The following FGFRL1 variants were observed in gnomAD, a reference collection of about 807,000 sequenced individuals.
FGFRL1 encodes fibroblast growth factor receptor like 1.
A neutral mutation model predicts 36.8 loss-of-function variants in FGFRL1; 24 were observed. The observed-to-expected ratio is 0.65, with a 90% CI of 0.47 to 0.92. The LOEUF is 0.92. Among genes scored for constraint, FGFRL1 ranks in the 40% least tolerant of loss-of-function variants. The pLI is 0.00. For synonymous variants in FGFRL1, 422 were observed against 344.1 expected (o/e 1.23, Z -2.50); for missense variants, 785 against 753.4 (o/e 1.04, Z -0.49).
intron 2 of FGFRL1, among the ~76,000 whole-genome samples, chr4:1,012,799 G>T (rs1715672764): frequency 1.3e-5 from 2 of 152,248 alleles, no homozygotes; most frequent in Admixed American, 1.3e-4. Context: ...TTGCTGGCCA[G>T]GTGGGCTTTA....
chr4:1,011,431 A>C (rs2153024534), upstream of FGFRL1: 2 of 139,472 alleles, frequency 1.4e-5, no homozygotes, highest in East Asian at 2.2e-4. Context: ...GACCCGGGGA[A>C]GCCGCCCGCC....
At position 1,024,119 on chromosome 4, in the gene FGFRL1, CGCTGGCGGGCGGGGGGT is replaced by C; in HGVS notation, c.718+24_718+40del. ...TGTGATCCGTGAGTGTGGCCCCGGG[CGCTGGCGGGCGGGGGGT>C]GCTGGTGGGCGGGGGCGCTGGCGGG... On this transcript the variant is annotated intron_variant, in intron 5 of 6. Transcript: ENST00000510644. The C allele has an allele frequency of 7.0e-7, 1 of 1,425,694 alleles. No homozygotes were observed. The highest frequency in any genetic ancestry group is 9.3e-7 in the Non-Finnish European group (1 of 1,078,596). The allele number at this position is 1,425,694 out of a possible 1,614,324, so 88.3% of individuals were successfully genotyped here.
chr4:1,025,201 C>A lies in FGFRL1; in HGVS notation c.1369C>A (p.Gln457Lys). 6.2e-7 allele frequency: 1 copy of A among 1,610,682 alleles called. No homozygotes were observed. The highest frequency in any genetic ancestry group is 8.5e-7 in the Non-Finnish European group (1 of 1,179,096). Residue 457 changes from glutamine (Q) to lysine (K), a missense_variant, in exon 7 of 7, where the codon CAG becomes AAG. Transcript: ENST00000510644. ...CEEHGSPAAP[Q>K]HLLGPGPVAG... ...GGAGCATGGGTCTCCGGCAGCCCCC[C>A]AGCACTTACTGGGCCCAGGCCCAGT...
chr4:1,021,610 G>A (rs1261329575), intron 2 of FGFRL1, among the ~76,000 whole-genome samples: 1 of 152,174 alleles, frequency 6.6e-6, no homozygotes, highest in Non-Finnish European at 1.5e-5. Flanking sequence ...ACATTGCACA[G>A]GCTCAGGCAG....
intron 2 of FGFRL1, among the ~76,000 whole-genome samples, chr4:1,019,662 G>A (rs1384539670): frequency 6.6e-6 from 1 of 152,154 alleles, no homozygotes; most frequent in Admixed American, 6.5e-5. Context: ...CCACACTGAG[G>A]GGGTGGTGGG....
chr4:1,023,586 A>G lies in FGFRL1; in HGVS notation c.353-55A>G. 6.7e-7 allele frequency: 1 copy of G among 1,483,534 alleles called. No homozygotes were observed. The highest frequency in any genetic ancestry group is 9.2e-7 in the Non-Finnish European group (1 of 1,087,432). The allele number at this position is 1,483,534 out of a possible 1,614,324, so 91.9% of individuals were successfully genotyped here. On this transcript the variant is annotated intron_variant, in intron 3 of 6. Coordinates refer to ENST00000510644, the MANE Select transcript of FGFRL1 (RefSeq NM_001004356.3). The surrounding 1 kb of genome is among the most constrained non-coding windows in gnomAD (Gnocchi z 6.0). ...CTAGAGGCCACGGGGGAGTTGGGGG[A>G]GCTCCTCAGGGCCCCCCTCACCTGC...
Position 1,022,233 on chromosome 4 carries a change from C to G in FGFRL1, c.110C>G (p.Pro37Arg). The change falls in exon 3 of 7, where the codon CCA (proline) becomes CGA (arginine). Residue 37 changes from proline (P) to arginine (R), a missense_variant. Coordinates refer to ENST00000510644, the MANE Select transcript of FGFRL1 (RefSeq NM_001004356.3). ...CCAAAGATGGCGGACAAGGTGGTCC[C>G]ACGGCAGGTGGCCCGGCTGGGCCGC... ...GPPKMADKVV[P>R]RQVARLGRTV... 1.3e-6 allele frequency: 2 copies of G among 1,554,902 alleles called. No individual in the cohort carries two copies. Among genetic ancestry groups the G allele is most frequent in the Non-Finnish European group, 1.7e-6 (2 of 1,147,258 alleles).
In FGFRL1 at chr4:1,025,762, G is replaced by A. The variant is rs768568238; in HGVS notation, c.*415G>A. ...ACACACACGGATATGCTGTCTGGACGCACACACGTGCAGATATGGTATCCG... is the reference window on the plus strand; with the variant it reads ...ACACACACGGATATGCTGTCTGGACACACACACGTGCAGATATGGTATCCG... On this transcript the variant is annotated 3_prime_UTR_variant, in exon 7 of 7. Transcript: ENST00000510644. 1.2e-4 allele frequency: 31 copies of A among 262,498 alleles called. No homozygotes were observed. The highest frequency in any genetic ancestry group is 1.8e-4 in the Non-Finnish European group (25 of 136,774). The allele number at this position is 262,498 out of a possible 1,614,324, so 16.3% of individuals were successfully genotyped here.
intron 2 of FGFRL1, among the ~76,000 whole-genome samples, chr4:1,016,588 C>T (rs1284414867): frequency 6.6e-6 from 1 of 152,124 alleles, no homozygotes; most frequent in Non-Finnish European, 1.5e-5. Flanking sequence ...GCATGGTGGG[C>T]CACATGCTGC....
chr4:1,011,703 C>T lies in FGFRL1; in HGVS notation c.-268C>T, dbSNP rs1715590794. ...CCCCTCGCCCCGCCGCCCCGGGATC[C>T]CGGCCCCGGCCCCCGGCCCCGCGGA... On this transcript the variant is annotated 5_prime_UTR_variant, in exon 1 of 7. Transcript: ENST00000510644. 1 of 144,260 alleles carries T rather than the reference C, an allele frequency of 6.9e-6. No individual in the cohort carries two copies. The highest frequency in any genetic ancestry group is 1.8e-4 in the South Asian group (1 of 5,408). 8.9% of individuals were successfully genotyped at this position (144,260 alleles called of 1,614,324 possible).
rs778745736 is a variant in FGFRL1, at chr4:1,024,961, T to A, written c.1129T>A (p.Trp377Arg). ...CTCGTCCTCGGCCACTAGCCTGCCG[T>A]GGCCCGTGGTCATCGGCATCCCAGC... ...ASSSSATSLP[W>R]PVVIGIPAGA... The change falls in exon 7 of 7, where the codon TGG becomes AGG. Residue 377 changes from tryptophan (W) to arginine (R), a missense_variant. Trp to Arg is a moderately radical substitution (Grantham distance 101, BLOSUM62 -3). Coordinates refer to ENST00000510644, the MANE Select transcript of FGFRL1 (RefSeq NM_001004356.3). 3 of 1,608,478 alleles carry A rather than the reference T, an allele frequency of 1.9e-6. No homozygotes were observed. The South Asian group carries it at 3.3e-5, about 18-fold the overall frequency.
At chr4:1,016,091 C>T (rs1459563935) in intron 2 of FGFRL1, among the ~76,000 whole-genome samples, 1 of 152,220 alleles carries the variant, frequency 6.6e-6, no homozygotes, top group African/African-American at 2.4e-5. Flanking sequence ...GGAGCAAGGG[C>T]CCCTGACCTG....
intron 1 of FGFRL1, 136 bp from the exon 2 acceptor site, chr4:1,012,334 G>A (rs879452767): frequency 4.2e-6 from 4 of 943,454 alleles, no homozygotes; most frequent in Admixed American, 2.8e-5. Flanking sequence ...CCCCGCTGCG[G>A]CTTCCTCCGC....
rs529661387 is a variant in FGFRL1, at chr4:1,025,742, C to A, written c.*395C>A. ...TGTGCTGCCTGGACACACACACACA[C>A]ACGGATATGCTGTCTGGACGCACAC... On this transcript the variant is annotated 3_prime_UTR_variant, in exon 7 of 7. Transcript: ENST00000510644. The A allele has an allele frequency of 3.3e-6, 1 of 300,644 alleles. No homozygotes were observed. The highest frequency in any genetic ancestry group is 4.3e-5 in the South Asian group (1 of 23,270). 18.6% of individuals were successfully genotyped at this position (300,644 alleles called of 1,614,324 possible).
chr4:1,011,420 G>A (rs1249722683), upstream of FGFRL1: 2 of 142,800 alleles, frequency 1.4e-5, no homozygotes, highest in African/African-American at 2.5e-5. Flanking sequence ...GGGCGGGGCC[G>A]GACCCGGGGA....
In FGFRL1 at chr4:1,012,446, T is replaced by G. The variant is rs1715641965; in HGVS notation, c.-16-24T>G. 1.9e-6 allele frequency: 3 copies of G among 1,573,896 alleles called. No homozygotes were observed. In the South Asian group the frequency reaches 3.4e-5, roughly 18 times the overall value. ...GGTATCTCCCAGTTCCACGTGTTAG[T>G]GACGGCGCCCCCAATGTCCCCAGGT... On this transcript the variant is annotated intron_variant, in intron 1 of 6. Transcript: ENST00000510644.
chr4:1,024,129 CG>C (rs1486715399), intron 5 of FGFRL1, 28 bp downstream of exon 5: 37 of 711,932 alleles, frequency 5.2e-5, no homozygotes, highest in Non-Finnish European at 6.4e-5. Flanking sequence ...CGCTGGCGGG[CG>C]GGGGGTGCTG....
upstream of FGFRL1, chr4:1,010,941 G>A (rs982123618): frequency 6.6e-6 from 1 of 152,302 alleles, no homozygotes. Flanking sequence ...GAGGCTGGGA[G>A]GCCTCAGGTG....
rs1217996661 is a variant in FGFRL1 at position 1,022,509 on chromosome 4, G to A, written c.352+34G>A. 3.9e-6 allele frequency: 6 copies of A among 1,557,728 alleles called. No homozygotes were observed. In the African/African-American group the frequency reaches 5.4e-5, roughly 14 times the overall value. ...CTGCTGCGGTCAGAGGTCATGGGCT[G>A]GGTTGGAGCCAGGCAGGGGTGTGCA... On this transcript the variant is annotated intron_variant, in intron 3 of 6. Coordinates refer to ENST00000510644, the MANE Select transcript of FGFRL1 (RefSeq NM_001004356.3).
Sources: allele counts gnomAD v4.1 joint callset (sites outside exome capture counted in the v4.1 genomes callset), GRCh38; gene constraint gnomAD v4.1.1; non-coding constraint Gnocchi (gnomAD v3.1); transcripts MANE v1.5; gene names NCBI Gene and HGNC (gene_info 2026-07-23, HGNC 2026-07-21).